Variants in CPNE5 observed in about 807,000 individuals in gnomAD.
CPNE5 encodes copine-5.
A neutral mutation model predicts 81.1 loss-of-function variants in CPNE5; 42 were observed. The observed-to-expected ratio is 0.52, with a 90% confidence interval of 0.40 to 0.67. The LOEUF is 0.67. CPNE5 is among the 30% of genes least tolerant of loss of function. The probability of loss-of-function intolerance (pLI) is 0.00; values close to 1 mark genes in which losing one functional copy is unlikely to be tolerated. For synonymous variants in CPNE5, 313 were observed against 321.5 expected, an observed-to-expected ratio of 0.97 and a Z score of 0.28; for missense variants, 612 against 815.5, an observed-to-expected ratio of 0.75 and a Z score of 3.04.
At chr6:36,757,158 C>T (rs145388141) in intron 12 of CPNE5, 43 of 217,196 alleles carry the variant, frequency 2.0e-4, no homozygotes, top group Middle Eastern at 2.3e-3. Flanking sequence ...ACGAGACTTC[C>T]GCACTTACTG....
At chr6:36,792,673 G>A (rs1034391891) in intron 7 of CPNE5, among the ~76,000 whole-genome samples, 6 of 152,180 alleles carry the variant, frequency 3.9e-5, no homozygotes, top group African/African-American at 1.4e-4. Flanking sequence ...CCAGCCGACT[G>A]TGCAGCTCCC....
intron 16 of CPNE5, 39 bp from the exon 17 acceptor site, chr6:36,745,554 A>G (rs1202217844): frequency 1.9e-6 from 3 of 1,578,328 alleles, no homozygotes; most frequent in Non-Finnish European, 1.7e-6. Context: ...CCCAGGAAGG[A>G]AGGACAGGGG....
At chr6:36,826,028 A>C (rs999178379) in intron 1 of CPNE5, among the ~76,000 whole-genome samples, 1 of 152,212 alleles carries the variant, frequency 6.6e-6, no homozygotes, top group Non-Finnish European at 1.5e-5. Context: ...GACAACGCTT[A>C]ACTCCTCCAA....
At chr6:36,777,373 T>G (rs1273077621) in intron 9 of CPNE5, among the ~76,000 whole-genome samples, 2 of 150,858 alleles carry the variant, frequency 1.3e-5, no homozygotes, top group Admixed American at 6.6e-5. Context: ...CCACCCATCC[T>G]ACACAGCGCT....
chr6:36,798,770 T>C (rs1769829363), intron 4 of CPNE5, among the ~76,000 whole-genome samples: 1 of 152,146 alleles, frequency 6.6e-6, no homozygotes, highest in Admixed American at 6.5e-5. Context: ...GTATATATGT[T>C]ATACCTCATT....
intron 4 of CPNE5, 41 bp from the exon 5 acceptor site, chr6:36,798,535 G>A (rs370233257): frequency 1.3e-4 from 209 of 1,599,410 alleles, no homozygotes; most frequent in East Asian, 1.6e-4. Flanking sequence ...AGCTGCGGAC[G>A]TTCTGCCCAA....
At chr6:36,759,986 C>G (rs1394393191) in intron 12 of CPNE5, among the ~76,000 whole-genome samples, 1 of 151,362 alleles carries the variant, frequency 6.6e-6, no homozygotes, top group Non-Finnish European at 1.5e-5. Context: ...GCGGGTGCAT[C>G]ACCTGAGCTC....
intron 8 of CPNE5, among the ~76,000 whole-genome samples, chr6:36,790,361 A>C (rs1339632891): frequency 6.6e-6 from 1 of 152,196 alleles, no homozygotes; most frequent in Admixed American, 6.5e-5. Context: ...ATGGACCAGG[A>C]ACCCCGAGGG....
chr6:36,802,217 CAAAAAAAAAAAAAAA>C (rs57677612), intron 3 of CPNE5, among the ~76,000 whole-genome samples: 2 of 56,714 alleles, frequency 3.5e-5, no homozygotes, highest in South Asian at 1.1e-3. Flanking sequence ...GACTCCATCT[CAAAAAAAAAAAAAAA>C]AAAAAAAAAA....
intron 2 of CPNE5, 26 bp downstream of exon 2, chr6:36,823,032 G>T: frequency 5.2e-6 from 8 of 1,546,460 alleles, no homozygotes; most frequent in Non-Finnish European, 7.0e-6. Flanking sequence ...TATTGTTACC[G>T]TTCTTATTGT....
At chr6:36,791,627 A>G (rs984941328) in intron 8 of CPNE5, among the ~76,000 whole-genome samples, 13 of 152,116 alleles carry the variant, frequency 8.5e-5, no homozygotes, top group African/African-American at 3.1e-4. Context: ...TCCAGAGCTG[A>G]AAGTGAAAAA....
intron 14 of CPNE5, 133 bp downstream of exon 14, chr6:36,752,901 G>T (rs1253345192): frequency 1.6e-5 from 11 of 681,100 alleles, no homozygotes; most frequent in South Asian, 1.1e-4. Flanking sequence ...ACCAGGGTTT[G>T]CTCAGAGCCC....
intron 4 of CPNE5, among the ~76,000 whole-genome samples, chr6:36,799,086 G>A (rs1378633784): frequency 1.3e-5 from 2 of 152,072 alleles, no homozygotes; most frequent in Non-Finnish European, 2.9e-5. Flanking sequence ...CTCACCGGGG[G>A]CCTGATCACC....
chr6:36,787,905 C>T (rs1016591351), intron 8 of CPNE5, among the ~76,000 whole-genome samples: 2 of 152,036 alleles, frequency 1.3e-5, no homozygotes, highest in African/African-American at 4.8e-5. Context: ...TATCCTGAGC[C>T]GGGAAGTCCT....
chr6:36,839,731 G>C (rs1773854400), upstream of CPNE5: 1 of 248,782 alleles, frequency 4.0e-6, no homozygotes, highest in African/African-American at 2.2e-5. This position sits in a 1 kb window ranked among gnomAD's most constrained non-coding sequence, Gnocchi z 7.3. Context: ...GTGGAGAGGG[G>C]CACCAGGAGA....
At chr6:36,790,769 T>C (rs1025380327) in intron 8 of CPNE5, among the ~76,000 whole-genome samples, 1 of 152,008 alleles carries the variant, frequency 6.6e-6, no homozygotes, top group Non-Finnish European at 1.5e-5. Context: ...GGTCTCAAAC[T>C]CCTGACCTCG....
chr6:36,791,957 G>C (rs1157281878), intron 8 of CPNE5, 76 bp downstream of exon 8: 4 of 1,314,464 alleles, frequency 3.0e-6, no homozygotes, highest in Non-Finnish European at 4.4e-6. Flanking sequence ...TTCCCTCCAG[G>C]GGCTCAGGGA....
chr6:36,782,322 A>C (rs1365818867), intron 8 of CPNE5, among the ~76,000 whole-genome samples: 1 of 152,146 alleles, frequency 6.6e-6, no homozygotes, highest in Non-Finnish European at 1.5e-5. Flanking sequence ...AAACAACCAA[A>C]CAGAGGCCAC....
chr6:36,744,209 T>G, intron 19 of CPNE5, 59 bp downstream of exon 19: 1 of 1,338,594 alleles, frequency 7.5e-7, no homozygotes, highest in South Asian at 1.3e-5. Flanking sequence ...ACATCTGGGG[T>G]GGGGGCAGGG....
Sources: allele counts gnomAD v4.1 joint callset (sites outside exome capture counted in the v4.1 genomes callset), GRCh38; gene constraint gnomAD v4.1.1; non-coding constraint Gnocchi (gnomAD v3.1); transcripts MANE v1.5; gene names NCBI Gene and HGNC (gene_info 2026-07-23, HGNC 2026-07-21).